The following G3BP1 variants were observed in gnomAD, a reference collection of about 807,000 sequenced individuals.
G3BP1 encodes ras GTPase-activating protein-binding protein 1.
A neutral mutation model predicts 58.6 loss-of-function variants in G3BP1; 35 were observed. That is an observed-to-expected ratio of 0.60 (90% CI 0.46 to 0.79). The LOEUF is 0.79. Ranked by LOEUF, G3BP1 falls within the 30% of genes least tolerant of loss-of-function variation. The pLI is 0.00. For synonymous variants in G3BP1, 191 were observed against 195.4 expected, an observed-to-expected ratio of 0.98 and a Z score of 0.19; for missense variants, 523 against 580.8, an observed-to-expected ratio of 0.90 and a Z score of 1.02.
At chr5:151,803,126 A>G (rs555027444) in intron 11 of G3BP1, among the ~76,000 whole-genome samples, 11 of 152,334 alleles carry the variant, frequency 7.2e-5, no homozygotes, top group African/African-American at 2.4e-4. Flanking sequence ...ACTATCCAAA[A>G]TTCTCAGGAG....
At chr5:151,798,690 G>A (rs1416318490) in intron 7 of G3BP1, among the ~76,000 whole-genome samples, 5 of 152,160 alleles carry the variant, frequency 3.3e-5, no homozygotes, top group Admixed American at 2.0e-4. Context: ...TGGGCCAGGC[G>A]TTGTGGCTTA....
rs57637894 is a variant in G3BP1, at chr5:151,801,963, C to T, written c.1194+1094C>T. Among the ~76,000 whole-genome samples the T allele has an allele frequency of 9.5e-3, 1,446 of 152,082 alleles. 19 individuals carry two copies. The highest frequency in any genetic ancestry group is 0.031 in the African/African-American group (1,286 of 41,484). The stretch of plus-strand genomic sequence containing the variant: ...CTGAGTAGCTGGGATTACAGGCACC[C>T]GCCACCATGCCCAGCTGATTTTTTT... On this transcript the variant is annotated intron_variant, in intron 11 of 11. Transcript: ENST00000356245.
At chr5:151,799,186 A>G (rs1267203183) in intron 7 of G3BP1, 26 bp from the exon 8 acceptor site, 1 of 1,071,256 alleles carries the variant, frequency 9.3e-7, no homozygotes. Flanking sequence ...TGGTATAATT[A>G]TGTAATGTTG....
intron 1 of G3BP1, among the ~76,000 whole-genome samples, chr5:151,777,438 C>CT (rs920872598): frequency 2.6e-4 from 40 of 152,232 alleles, no homozygotes; most frequent in African/African-American, 8.9e-4. Context: ...TCTAAGACTC[C>CT]TTTTTTTCTA....
chr5:151,793,783 A>G (rs970098117), intron 4 of G3BP1, among the ~76,000 whole-genome samples: 2 of 149,362 alleles, frequency 1.3e-5, no homozygotes, highest in East Asian at 3.9e-4. Context: ...ACTTGAGCCC[A>G]GGAATTAAAG....
chr5:151,793,381 T>C (rs1762694508), intron 4 of G3BP1, among the ~76,000 whole-genome samples: 1 of 152,214 alleles, frequency 6.6e-6, no homozygotes, highest in Non-Finnish European at 1.5e-5. Flanking sequence ...AGTGCTGGGA[T>C]TGCAGGCATG....
intron 1 of G3BP1, among the ~76,000 whole-genome samples, chr5:151,783,368 A>G (rs940388741): frequency 6.6e-6 from 1 of 150,796 alleles, no homozygotes; most frequent in African/African-American, 2.4e-5. Flanking sequence ...CAAAATTTAC[A>G]TTTTCTTTCT....
rs1290893084 is a variant in G3BP1 at position 151,804,634 on chromosome 5, GT to G, written c.*546del. On this transcript the variant is annotated 3_prime_UTR_variant, in exon 12 of 12. Coordinates refer to ENST00000356245, the MANE Select transcript of G3BP1 (RefSeq NM_005754.3). Reference sequence around the variant, plus strand: ...TGACAATTTTGATTCTCACTGGTATGTTTAAAAACTGAATAAAAGGAATAGA... The same window carrying G: ...TGACAATTTTGATTCTCACTGGTATGTTAAAAACTGAATAAAAGGAATAGA... 6.6e-6 allele frequency: 1 copy of G among 152,532 alleles called. No individual in the cohort carries two copies. Among genetic ancestry groups the G allele is most frequent in the Non-Finnish European group, 1.5e-5 (1 of 68,016 alleles). 9.4% of individuals were successfully genotyped at this position (152,532 alleles called of 1,614,324 possible).
intron 2 of G3BP1, chr5:151,787,842 C>G (rs573900080): frequency 1.3e-5 from 1 of 76,818 alleles, no homozygotes; most frequent in African/African-American, 9.1e-5. Flanking sequence ...ATTTTCAATT[C>G]ATAAAATAAA....
intron 6 of G3BP1, among the ~76,000 whole-genome samples, chr5:151,796,786 A>G (rs187984452): frequency 6.6e-6 from 1 of 152,284 alleles, no homozygotes; most frequent in Non-Finnish European, 1.5e-5. Context: ...ATGTGGTTCT[A>G]TGACAGATAT....
intron 1 of G3BP1, among the ~76,000 whole-genome samples, chr5:151,776,225 A>G: frequency 6.6e-6 from 1 of 152,328 alleles, no homozygotes; most frequent in East Asian, 1.9e-4. Context: ...AATACCACAG[A>G]AATTACCCTT....
chr5:151,800,674 C>T, intron 10 of G3BP1, 86 bp from the exon 11 acceptor site: 1 of 820,026 alleles, frequency 1.2e-6, no homozygotes, highest in East Asian at 2.4e-5. Context: ...TCACATGCAT[C>T]TAGTGGCTAC....
At chr5:151,798,947 C>A (rs1422555845) in intron 7 of G3BP1, among the ~76,000 whole-genome samples, 1 of 151,838 alleles carries the variant, frequency 6.6e-6, no homozygotes, top group Non-Finnish European at 1.5e-5. Context: ...GGCAACAGAG[C>A]AAGATTCTGT....
At position 151,804,186 on chromosome 5, in the gene G3BP1, C is replaced by A; in HGVS notation, c.*95C>A. ...TGGTATCTTGGAGTATGACCCCAGTCTGTTATAAACTGCTTAAGTTTGTAT... is the reference window on the plus strand; with the variant it reads ...TGGTATCTTGGAGTATGACCCCAGTATGTTATAAACTGCTTAAGTTTGTAT... On this transcript the variant is annotated 3_prime_UTR_variant, in exon 12 of 12. Coordinates refer to ENST00000356245, the MANE Select transcript of G3BP1 (RefSeq NM_005754.3). The A allele has an allele frequency of 1.2e-6, 1 of 801,920 alleles. No homozygotes were observed. Among genetic ancestry groups the A allele is most frequent in the Non-Finnish European group, 2.0e-6 (1 of 497,556 alleles). 49.7% of individuals were successfully genotyped at this position (801,920 alleles called of 1,614,324 possible).
In G3BP1 at chr5:151,807,659, A is replaced by C. The variant is rs766886860; in HGVS notation, c.*3568A>C. The C allele has an allele frequency of 5.3e-5, 8 of 152,214 alleles. No homozygotes were observed. The highest frequency in any genetic ancestry group is 1.0e-4 in the Non-Finnish European group (7 of 68,028). 9.4% of individuals were successfully genotyped at this position (152,214 alleles called of 1,614,324 possible). A position where few individuals can be genotyped will look rare whatever the true frequency, so the allele number is the denominator to read the frequency against. On this transcript the variant is annotated 3_prime_UTR_variant, in exon 12 of 12. Transcript: ENST00000356245. ...TATAGTATAATCCAGGTGAGTTTAT[A>C]GAATTTGTGTTTTGTGCTTATAAAC...
At chr5:151,782,888 C>T (rs1001637876) in intron 1 of G3BP1, among the ~76,000 whole-genome samples, 10 of 122,868 alleles carry the variant, frequency 8.1e-5, no homozygotes, top group Non-Finnish European at 1.3e-4. Flanking sequence ...GATGGACTCT[C>T]GCTCTGTCGC....
intron 4 of G3BP1, among the ~76,000 whole-genome samples, chr5:151,792,380 A>G (rs931810232): frequency 3.3e-5 from 5 of 152,254 alleles, no homozygotes; most frequent in Admixed American, 2.6e-4. Flanking sequence ...GCAAAATTAC[A>G]TGAAGCCAAT....
At chr5:151,803,517 G>A (rs1328672616) in intron 11 of G3BP1, among the ~76,000 whole-genome samples, 1 of 151,860 alleles carries the variant, frequency 6.6e-6, no homozygotes, top group Non-Finnish European at 1.5e-5. Context: ...TTCTGAGTCG[G>A]AGTCTCGCTC....
intron 1 of G3BP1, among the ~76,000 whole-genome samples, chr5:151,783,409 G>A (rs931742366): frequency 2.0e-5 from 3 of 151,278 alleles, no homozygotes; most frequent in African/African-American, 7.3e-5. Context: ...CAAATAAACA[G>A]ATTTTTTTTT....
Sources: gnomAD v4.1 joint callset for allele counts (sites outside exome capture counted in the v4.1 genomes callset) on GRCh38, gnomAD v4.1.1 for gene constraint, MANE v1.5 for transcripts, NCBI Gene and HGNC (gene_info 2026-07-23, HGNC 2026-07-21) for gene names.